EPHA6: variants seen among roughly 807,000 people sequenced by gnomAD.
EPHA6 encodes EPH receptor A6.
In EPHA6, 50 loss-of-function variants were observed where a neutral mutation model predicts 112.0. The observed-to-expected ratio is 0.45, with a 90% CI of 0.36 to 0.56. The LOEUF is 0.56. Ranked by LOEUF, EPHA6 falls within the 20% of genes least tolerant of loss-of-function variation. EPHA6 has a pLI of 0.00. For missense variants in EPHA6, 1,280 were observed against 1,417.4 expected, an observed-to-expected ratio of 0.90 and a Z score of 1.56; for synonymous variants, 529 against 490.7, an observed-to-expected ratio of 1.08 and a Z score of -1.03.
At position 97,142,195 on chromosome 3, in the gene EPHA6, C is replaced by G. The variant is rs570701148; in HGVS notation, c.1115-84069C>G. ...GATTCATTTGTTGAATACAATTTTT[C>G]CAAAATAGACAATTCTGATAATTCA... On this transcript the variant is annotated intron_variant, in intron 3 of 17. Transcript: ENST00000389672. 7.2e-5 allele frequency among the ~76,000 whole-genome samples: 11 copies of G among 152,000 alleles called. No homozygotes were observed. In the South Asian group the frequency reaches 2.3e-3, roughly 31 times the overall value.
intron 3 of EPHA6, among the ~76,000 whole-genome samples, chr3:97,217,108 G>A (rs1321576190): frequency 1.3e-5 from 2 of 152,104 alleles, no homozygotes; most frequent in Non-Finnish European, 2.9e-5. Flanking sequence ...CCCTGGCACA[G>A]GAGAAAGGAC....
chr3:97,121,374 AG>A (rs1325606907), intron 3 of EPHA6, among the ~76,000 whole-genome samples: 1 of 152,072 alleles, frequency 6.6e-6, no homozygotes, highest in Non-Finnish European at 1.5e-5. Context: ...GTTGTCTTAC[AG>A]GAATTCTTAG....
intron 2 of EPHA6, among the ~76,000 whole-genome samples, chr3:96,980,930 T>A (rs1386805761): frequency 1.3e-5 from 2 of 152,224 alleles, no homozygotes. Flanking sequence ...AAGTTGCTTA[T>A]CAGCTTAAGG....
intron 3 of EPHA6, among the ~76,000 whole-genome samples, chr3:97,118,351 T>C (rs2047952242): frequency 6.6e-6 from 1 of 151,800 alleles, no homozygotes; most frequent in Admixed American, 6.6e-5. Flanking sequence ...AAATATTCTA[T>C]AATCAGAATT....
intron 3 of EPHA6, among the ~76,000 whole-genome samples, chr3:97,187,685 GAAGGAAA>G (rs1559784445): frequency 1.3e-4 from 14 of 110,380 alleles, no homozygotes; most frequent in African/African-American, 4.7e-4. Flanking sequence ...GAGAAAGAAA[GAAGGAAA>G]GAAAGAAAGA....
chr3:97,014,491 C>T (rs2044200860), intron 3 of EPHA6, among the ~76,000 whole-genome samples: 1 of 151,752 alleles, frequency 6.6e-6, no homozygotes, highest in African/African-American at 2.4e-5. Flanking sequence ...CATAAATATG[C>T]AAAACTTATT....
chr3:96,964,323 A>G (rs967218876), intron 2 of EPHA6, among the ~76,000 whole-genome samples: 2 of 152,176 alleles, frequency 1.3e-5, no homozygotes, highest in African/African-American at 2.4e-5. Flanking sequence ...CATTATTATC[A>G]TCGGTCTATG....
At chr3:97,628,693 T>C (rs990585695) in intron 13 of EPHA6, among the ~76,000 whole-genome samples, 24 of 152,014 alleles carry the variant, frequency 1.6e-4, no homozygotes, top group Admixed American at 4.6e-4. Context: ...AATTTAAAAA[T>C]TAAAGAGATC....
chr3:97,439,713 T>A, intron 6 of EPHA6: 1 of 678,870 alleles, frequency 1.5e-6, no homozygotes, highest in South Asian at 6.6e-5. Flanking sequence ...TTTCTCATCA[T>A]GGGTTCATTT....
intron 10 of EPHA6, among the ~76,000 whole-genome samples, chr3:97,493,945 C>T (rs1447640839): frequency 6.6e-6 from 1 of 152,092 alleles, no homozygotes; most frequent in Non-Finnish European, 1.5e-5. Context: ...ATTTCAGTTA[C>T]TTTTCAGATA....
intron 3 of EPHA6, among the ~76,000 whole-genome samples, chr3:97,175,365 G>T (rs561516888): frequency 1.3e-5 from 2 of 152,016 alleles, no homozygotes; most frequent in South Asian, 4.1e-4. Flanking sequence ...GCTTAGGATA[G>T]TTTTAGATTT....
At chr3:96,851,969 T>C (rs1369509164) in intron 1 of EPHA6, among the ~76,000 whole-genome samples, 1 of 152,132 alleles carries the variant, frequency 6.6e-6, no homozygotes, top group Non-Finnish European at 1.5e-5. Flanking sequence ...AAGAGAAATG[T>C]AGGGAAAGTC....
chr3:96,836,663 C>T (rs1414779950), intron 1 of EPHA6, among the ~76,000 whole-genome samples: 1 of 152,150 alleles, frequency 6.6e-6, no homozygotes, highest in Non-Finnish European at 1.5e-5. Context: ...ATGAGCCGTT[C>T]TACCTCCCTT....
chr3:97,495,143 C>A (rs1424713356), intron 10 of EPHA6, among the ~76,000 whole-genome samples: 2 of 152,078 alleles, frequency 1.3e-5, no homozygotes, highest in Non-Finnish European at 2.9e-5. Context: ...TTATCCCCAG[C>A]GGTCTTTCTC....
rs1016034600 is a variant in EPHA6, at chr3:97,750,574, C to T, written c.*1873C>T. On this transcript the variant is annotated 3_prime_UTR_variant, in exon 18 of 18. Coordinates refer to ENST00000389672, the MANE Select transcript of EPHA6 (RefSeq NM_001080448.3). ...GTTTCACCATGTTGGCCAGGCTGCT[C>T]GAACTCCTGACCTCAGATGATCTGC... 2.6e-5 allele frequency among the ~76,000 whole-genome samples: 4 copies of T among 152,048 alleles called. No individual in the cohort carries two copies. Among genetic ancestry groups the T allele is most frequent in the African/African-American group, 4.8e-5 (2 of 41,394 alleles).
intron 11 of EPHA6, among the ~76,000 whole-genome samples, chr3:97,559,199 A>G (rs2093154948): frequency 6.6e-6 from 1 of 152,170 alleles, no homozygotes; most frequent in Admixed American, 6.6e-5. Flanking sequence ...ACACATAACC[A>G]GCATTACAAA....
chr3:97,703,872 A>AAT (rs1278908451), intron 14 of EPHA6, among the ~76,000 whole-genome samples: 16 of 152,274 alleles, frequency 1.1e-4, no homozygotes, highest in South Asian at 4.1e-4. Context: ...GAGAGCACTA[A>AAT]AAAACAACCT....
At chr3:97,265,594 GCAGGGGGGGCCTTCC>G (rs1187053498) in intron 5 of EPHA6, among the ~76,000 whole-genome samples, 21 of 152,186 alleles carry the variant, frequency 1.4e-4, no homozygotes, top group South Asian at 4.1e-4. Context: ...GCCTGCAGGG[GCAGGGGGGGCCTTCC>G]CAAGACCCCG....
At chr3:96,946,111 C>A (rs1047812698) in intron 2 of EPHA6, among the ~76,000 whole-genome samples, 5 of 152,078 alleles carry the variant, frequency 3.3e-5, no homozygotes, top group African/African-American at 1.2e-4. Context: ...AGATTGGCTT[C>A]TTTCATTTAG....
Sources: allele counts gnomAD v4.1 joint callset (sites outside exome capture counted in the v4.1 genomes callset), GRCh38; gene constraint gnomAD v4.1.1; transcripts MANE v1.5; gene names NCBI Gene and HGNC (gene_info 2026-07-23, HGNC 2026-07-21).